Variants in USP37 observed in about 807,000 individuals in gnomAD.
USP37 encodes the protein ubiquitin carboxyl-terminal hydrolase 37.
Under a neutral mutation model 124.0 loss-of-function variants are expected in USP37, and 27 were observed. The ratio of observed to expected loss-of-function variants is 0.22; its 90% CI spans 0.16 to 0.30. USP37 has a LOEUF of 0.30. Ranked by LOEUF, USP37 falls within the 10% of genes least tolerant of loss-of-function variation. USP37 has a pLI of 1.00. For synonymous variants in USP37, 365 were observed against 388.0 expected, an observed-to-expected ratio of 0.94 and a Z score of 0.70; for missense variants, 889 against 1,140.4, an observed-to-expected ratio of 0.78 and a Z score of 3.17.
At chr2:218,524,377 G>A (rs1224569496) in intron 10 of USP37, among the ~76,000 whole-genome samples, 1 of 152,046 alleles carries the variant, frequency 6.6e-6, no homozygotes, top group African/African-American at 2.4e-5. Context: ...TGAGATTATA[G>A]GTGTGAACCA....
At position 218,482,158 on chromosome 2, in the gene USP37, T is replaced by G. The variant is rs762937360; in HGVS notation, c.1747A>C (p.Ile583Leu). 63 of 1,613,968 alleles carry G rather than the reference T, an allele frequency of 3.9e-5. No homozygotes were observed. The highest frequency in any genetic ancestry group is 5.2e-5 in the Non-Finnish European group (61 of 1,179,948). ...GACAGGGTCAGGTATCTTGGAATGA[T>G]GACTTGCTGCCCAATCTTATTGTTA... Reference protein sequence around the residue: ...SLNNKIGQQVIIPRYLTLSSH... With the variant: ...SLNNKIGQQVLIPRYLTLSSH... Residue 583 changes from isoleucine to leucine, a missense_variant, in exon 17 of 26, where the codon ATC becomes CTC. By Grantham distance (5) the Ile-to-Leu change is conservative. Coordinates refer to ENST00000258399, the MANE Select transcript of USP37 (RefSeq NM_020935.3).
chr2:218,482,369 G>T, intron 16 of USP37, 135 bp from the exon 17 acceptor site: 1 of 911,564 alleles, frequency 1.1e-6, no homozygotes, highest in Non-Finnish European at 1.5e-6. Flanking sequence ...ACACGTCAAA[G>T]AATATTTACT....
chr2:218,559,183 C>T (rs1419101753), intron 3 of USP37, among the ~76,000 whole-genome samples: 2 of 152,040 alleles, frequency 1.3e-5, no homozygotes, highest in African/African-American at 4.8e-5. Context: ...TGGTGATACA[C>T]GCCTATAGTC....
At chr2:218,510,272 C>G in intron 10 of USP37, 132 bp from the exon 11 acceptor site, 4 of 941,334 alleles carry the variant, frequency 4.2e-6, no homozygotes, top group Non-Finnish European at 6.1e-6. Flanking sequence ...TAATAATGAT[C>G]ACTTAAGGGA....
intron 10 of USP37, among the ~76,000 whole-genome samples, chr2:218,525,430 G>A (rs1178448933): frequency 6.6e-6 from 1 of 152,210 alleles, no homozygotes; most frequent in African/African-American, 2.4e-5. Context: ...GCTGCAGTGA[G>A]CCATGATTAT....
At chr2:218,565,815 G>A (rs1031652114) in intron 1 of USP37, among the ~76,000 whole-genome samples, 4 of 152,152 alleles carry the variant, frequency 2.6e-5, no homozygotes, top group East Asian at 1.9e-4. Flanking sequence ...TTGGGAGGCC[G>A]AGGCAGGTGG....
At chr2:218,522,034 G>A (rs574497468) in intron 10 of USP37, among the ~76,000 whole-genome samples, 80 of 137,304 alleles carry the variant, frequency 5.8e-4, no homozygotes, top group Admixed American at 2.8e-3. Context: ...GCCACCACAC[G>A]TGGCTTTTTT....
At chr2:218,513,112 A>G (rs1251837734) in intron 10 of USP37, among the ~76,000 whole-genome samples, 1 of 151,930 alleles carries the variant, frequency 6.6e-6, no homozygotes, top group Non-Finnish European at 1.5e-5. Context: ...ATATATATAT[A>G]TATTAACTCC....
chr2:218,562,166 A>G (rs1693347624), intron 2 of USP37, among the ~76,000 whole-genome samples: 1 of 152,238 alleles, frequency 6.6e-6, no homozygotes, highest in Non-Finnish European at 1.5e-5. Context: ...TTGCTCATTC[A>G]TTATATTATC....
chr2:218,565,082 C>T (rs1280314559), intron 1 of USP37, among the ~76,000 whole-genome samples: 4 of 152,098 alleles, frequency 2.6e-5, no homozygotes, highest in African/African-American at 7.2e-5. Flanking sequence ...CCACCAAACC[C>T]GGCTAATTTT....
chr2:218,552,479 C>CCAAG (rs901497028), intron 5 of USP37, among the ~76,000 whole-genome samples: 1 of 152,026 alleles, frequency 6.6e-6, no homozygotes, highest in Non-Finnish European at 1.5e-5. Flanking sequence ...CTTTGGCAGG[C>CCAAG]CAAGGAAGGT....
chr2:218,493,846 G>T (rs555494029), intron 14 of USP37, among the ~76,000 whole-genome samples: 25 of 152,248 alleles, frequency 1.6e-4, no homozygotes, highest in African/African-American at 5.8e-4. Context: ...GACAGAGCTG[G>T]TGGACTGCCT....
intron 9 of USP37, among the ~76,000 whole-genome samples, chr2:218,533,597 C>CA (rs1691457068): frequency 1.3e-5 from 2 of 152,248 alleles, no homozygotes; most frequent in South Asian, 4.2e-4. Flanking sequence ...AGCTGAGAGA[C>CA]AATAAGCAGA....
At chr2:218,468,682 A>T (rs1690504999) in intron 20 of USP37, among the ~76,000 whole-genome samples, 1 of 151,922 alleles carries the variant, frequency 6.6e-6, no homozygotes, top group Non-Finnish European at 1.5e-5. Flanking sequence ...TACCTGCCCT[A>T]GTACTGTATT....
At chr2:218,565,692 T>C (rs1437937775) in intron 1 of USP37, among the ~76,000 whole-genome samples, 1 of 152,314 alleles carries the variant, frequency 6.6e-6, no homozygotes, top group South Asian at 2.1e-4. Context: ...AAAAAAGAAG[T>C]GGTCACTAGC....
At chr2:218,471,260 A>G (rs1690670840) in intron 20 of USP37, among the ~76,000 whole-genome samples, 1 of 152,200 alleles carries the variant, frequency 6.6e-6, no homozygotes, top group Non-Finnish European at 1.5e-5. Flanking sequence ...ATTTCCAGGA[A>G]GTTCACAGAT....
intron 20 of USP37, among the ~76,000 whole-genome samples, chr2:218,467,474 G>A (rs952152598): frequency 7.9e-5 from 12 of 151,910 alleles, no homozygotes; most frequent in African/African-American, 1.5e-4. Context: ...TCAGCCTTCC[G>A]CGTAGCTGGG....
At chr2:218,561,409 G>A (rs1376709212) in intron 2 of USP37, among the ~76,000 whole-genome samples, 1 of 152,138 alleles carries the variant, frequency 6.6e-6, no homozygotes, top group African/African-American at 2.4e-5. Flanking sequence ...TGTAATCCCA[G>A]CACTTTGCGA....
At chr2:218,487,629 C>T (rs1212744490) in intron 15 of USP37, among the ~76,000 whole-genome samples, 1 of 152,008 alleles carries the variant, frequency 6.6e-6, no homozygotes, top group Admixed American at 6.6e-5. Flanking sequence ...CCATGTTGGC[C>T]AGGATGATCT....
Sources: gnomAD v4.1 joint callset for allele counts (sites outside exome capture counted in the v4.1 genomes callset) on GRCh38, gnomAD v4.1.1 for gene constraint, MANE v1.5 for transcripts, NCBI Gene and HGNC (gene_info 2026-07-23, HGNC 2026-07-21) for gene names.